ZFC3H1: variants seen among roughly 807,000 people sequenced by gnomAD.
ZFC3H1 encodes the protein zinc finger C3H1-type containing, also known as zinc finger C3H1 domain-containing protein.
ZFC3H1 carries 71 observed loss-of-function variants against 243.7 expected under a neutral mutation model. The observed-to-expected ratio is 0.29, with a 90% CI of 0.24 to 0.36. The LOEUF (loss-of-function observed/expected upper bound fraction) is 0.36. Ranked by LOEUF, ZFC3H1 falls within the 10% of genes least tolerant of loss-of-function variation. The pLI is 1.00. For synonymous variants in ZFC3H1, 838 were observed against 813.0 expected, an observed-to-expected ratio of 1.03 and a Z score of -0.52; for missense variants, 1,966 against 2,317.1, an observed-to-expected ratio of 0.85 and a Z score of 3.11.
intron 6 of ZFC3H1, among the ~76,000 whole-genome samples, chr12:71,641,212 G>A (rs936982533): frequency 6.6e-6 from 1 of 152,034 alleles, no homozygotes; most frequent in Non-Finnish European, 1.5e-5. Flanking sequence ...TCATCTCCAA[G>A]AATCTGAAAA....
chr12:71,648,983 C>T (rs780172885), intron 2 of ZFC3H1, among the ~76,000 whole-genome samples: 11 of 150,358 alleles, frequency 7.3e-5, no homozygotes, highest in East Asian at 2.0e-4. Context: ...CCCAGCTACT[C>T]GGAAGGCTGA....
chr12:71,628,018 A>G, intron 20 of ZFC3H1, 84 bp from the exon 21 acceptor site: 2 of 1,325,494 alleles, frequency 1.5e-6, no homozygotes, highest in South Asian at 2.7e-5. Context: ...TCTCATCTTT[A>G]AAGTAACTTA....
In ZFC3H1 at chr12:71,663,678, T is replaced by C. The variant is rs1881258891; in HGVS notation, c.-68A>G. 8.5e-6 allele frequency: 13 copies of C among 1,530,632 alleles called. No homozygotes were observed. The highest frequency in any genetic ancestry group is 1.1e-5 in the Non-Finnish European group (12 of 1,133,494). The allele number at this position is 1,530,632 out of a possible 1,614,324, so 94.8% of individuals were successfully genotyped here. ...GGGATCCGCCCGACAATTGCCTCGT[T>C]TCCCTTCTTTCCTAACGGACTGGGT... On this transcript the variant is annotated 5_prime_UTR_variant, in exon 1 of 35. Coordinates refer to ENST00000378743, the MANE Select transcript of ZFC3H1 (RefSeq NM_144982.5).
intron 2 of ZFC3H1, among the ~76,000 whole-genome samples, chr12:71,655,403 T>C (rs899525484): frequency 3.9e-5 from 6 of 152,018 alleles, no homozygotes; most frequent in Non-Finnish European, 8.8e-5. Context: ...CTTTATGGCC[T>C]AAAATGATCT....
intron 6 of ZFC3H1, among the ~76,000 whole-genome samples, chr12:71,639,885 A>T (rs1880558346): frequency 6.6e-6 from 1 of 152,218 alleles, no homozygotes; most frequent in Non-Finnish European, 1.5e-5. Flanking sequence ...TAATAGTATT[A>T]ACAGCAGCCA....
intron 6 of ZFC3H1, 121 bp from the exon 7 acceptor site, chr12:71,638,636 TC>T: frequency 6.5e-6 from 5 of 773,494 alleles, no homozygotes; most frequent in Non-Finnish European, 1.0e-5. Flanking sequence ...TTTATCAACC[TC>T]TGATAAAATC....
rs139498145 is a variant in ZFC3H1, at chr12:71,648,676, A to C, written c.1016-863T>G. On this transcript the variant is annotated intron_variant, in intron 2 of 34. Transcript: ENST00000378743. ...TGACTTATTCAATAAATAAATGACTAATCTAGCATCTAAATCAATGTAAAT... is the reference window on the plus strand; with the variant it reads ...TGACTTATTCAATAAATAAATGACTCATCTAGCATCTAAATCAATGTAAAT... Among the ~76,000 whole-genome samples, 352 of 152,366 alleles carry C rather than the reference A, an allele frequency of 2.3e-3. 3 individuals are homozygous for C. The South Asian group carries it at 0.035, about 15-fold the overall frequency.
chr12:71,660,776 C>T (rs1002967229), intron 1 of ZFC3H1, among the ~76,000 whole-genome samples: 5 of 151,926 alleles, frequency 3.3e-5, no homozygotes, highest in East Asian at 1.9e-4. Flanking sequence ...TACTTATTTT[C>T]ATTTGTTTCC....
In ZFC3H1 at chr12:71,611,081, T is replaced by G. The variant is rs780724993; in HGVS notation, c.5746A>C (p.Ile1916Leu). The change falls in exon 33 of 35, where the codon ATT becomes CTT. Residue 1916 changes from isoleucine to leucine, a missense_variant. This residue lies in a region of ZFC3H1 where 1,383 missense variants were observed against 1,723.7 expected (regional missense o/e 0.80). Coordinates refer to ENST00000378743, the MANE Select transcript of ZFC3H1 (RefSeq NM_144982.5). ...ATWKIAIAAEIVLKGQREVHR... is the reference protein window; with the variant it reads ...ATWKIAIAAELVLKGQREVHR... The stretch of plus-strand genomic sequence containing the variant: ...ACCTCTCTTTGTCCCTTTAGAACAA[T>G]CTCAGCAGCAATGGCTCTAAGAGAA... The G allele has an allele frequency of 4.5e-6, 7 of 1,554,598 alleles. No homozygotes were observed. The Admixed American group carries it at 1.2e-4, about 26-fold the overall frequency.
chr12:71,630,155 A>T (rs921627656), intron 18 of ZFC3H1, among the ~76,000 whole-genome samples: 24 of 152,212 alleles, frequency 1.6e-4, no homozygotes, highest in Non-Finnish European at 2.9e-5. Context: ...TTATTTCATT[A>T]TAGAATTGGA....
At chr12:71,633,184 T>C (rs1274073606) in intron 13 of ZFC3H1, 80 bp downstream of exon 13, 1 of 1,444,796 alleles carries the variant, frequency 6.9e-7, no homozygotes, top group Non-Finnish European at 9.2e-7. Context: ...GGCTTTAGTA[T>C]ACAGTGGTTT....
Position 71,610,368 on chromosome 12 carries a change from G to T in ZFC3H1, c.*60C>A. The T allele has an allele frequency of 1.9e-6, 3 of 1,572,474 alleles. No individual in the cohort carries two copies. The highest frequency in any genetic ancestry group is 2.6e-6 in the Non-Finnish European group (3 of 1,156,926). On this transcript the variant is annotated 3_prime_UTR_variant, in exon 35 of 35. Coordinates refer to ENST00000378743, the MANE Select transcript of ZFC3H1 (RefSeq NM_144982.5). The stretch of plus-strand genomic sequence containing the variant: ...AGCCAGGGATCAGCCTAATCTTGAA[G>T]AATCATTCAAATAATTTTGGCAATT...
chr12:71,652,291 A>G (rs1442517926), intron 2 of ZFC3H1, among the ~76,000 whole-genome samples: 2 of 152,182 alleles, frequency 1.3e-5, no homozygotes, highest in Non-Finnish European at 2.9e-5. Context: ...CAAAACACAC[A>G]TCTGATCACA....
chr12:71,629,109 A>C, intron 19 of ZFC3H1, 72 bp from the exon 20 acceptor site: 3 of 1,313,232 alleles, frequency 2.3e-6, no homozygotes, highest in Non-Finnish European at 3.1e-6. Flanking sequence ...GGATACTCAA[A>C]TAATATTTGA....
intron 24 of ZFC3H1, 77 bp downstream of exon 24, chr12:71,623,283 C>A: frequency 1.7e-6 from 2 of 1,205,692 alleles, no homozygotes; most frequent in Non-Finnish European, 2.3e-6. Context: ...TACAGAGAAT[C>A]ACAATAATGG....
chr12:71,645,176 G>A lies in ZFC3H1; in HGVS notation c.1081-101C>T, dbSNP rs570089238. On this transcript the variant is annotated intron_variant, in intron 3 of 34. Transcript: ENST00000378743. ...TTATGATAAAAATTTGAAGTGTGAA[G>A]GCAAATATGACAAGGCAAATACAGA... 6.2e-6 allele frequency: 7 copies of A among 1,127,270 alleles called. No individual in the cohort carries two copies. In the African/African-American group the frequency reaches 7.9e-5, roughly 13 times the overall value. The allele number at this position is 1,127,270 out of a possible 1,614,324, so 69.8% of individuals were successfully genotyped here.
intron 24 of ZFC3H1, 23 bp downstream of exon 24, chr12:71,623,337 C>A: frequency 6.5e-7 from 1 of 1,549,136 alleles, no homozygotes. Flanking sequence ...GTTGATATTA[C>A]AATTTATAAA....
intron 24 of ZFC3H1, 149 bp from the exon 25 acceptor site, chr12:71,620,464 G>A (rs1362237435): frequency 4.0e-6 from 3 of 754,666 alleles, no homozygotes; most frequent in African/African-American, 3.5e-5. Flanking sequence ...TTACTGAGCT[G>A]GCTTTTACTC....
chr12:71,654,034 A>G (rs1880955716), intron 2 of ZFC3H1, among the ~76,000 whole-genome samples: 1 of 152,204 alleles, frequency 6.6e-6, no homozygotes. Flanking sequence ...AACAAAAAGC[A>G]TATAATTAAA....
Sources: allele counts gnomAD v4.1 joint callset (sites outside exome capture counted in the v4.1 genomes callset), GRCh38; gene constraint gnomAD v4.1.1; regional missense constraint gnomAD v4.1.1; transcripts MANE v1.5; gene names NCBI Gene and HGNC (gene_info 2026-07-23, HGNC 2026-07-21).